POMGNT1: variants seen among roughly 807,000 people sequenced by gnomAD.
POMGNT1 encodes the protein protein O-linked mannose N-acetylglucosaminyltransferase 1 (beta 1,2-), also known as protein O-linked-mannose beta-1,2-N-acetylglucosaminyltransferase 1.
Under a neutral mutation model 95.6 loss-of-function variants are expected in POMGNT1, and 67 were observed. The observed-to-expected ratio is 0.70, with a 90% CI of 0.58 to 0.86. The LOEUF (loss-of-function observed/expected upper bound fraction) is 0.86, where lower values mean the gene tolerates loss of function less well. POMGNT1 is among the 40% of genes least tolerant of loss of function. The pLI is 0.00. For missense variants in POMGNT1, 719 were observed against 855.2 expected (o/e 0.84, Z 1.99); for synonymous variants, 298 against 317.9 (o/e 0.94, Z 0.66).
intron 17 of POMGNT1, 113 bp from the exon 18 acceptor site, chr1:46,190,897 A>C: frequency 9.9e-7 from 1 of 1,010,372 alleles, no homozygotes; most frequent in Non-Finnish European, 1.6e-6. Context: ...ACCTGTAAAG[A>C]GCCCTCTAAT....
chr1:46,192,888 G>A lies in POMGNT1; in HGVS notation c.1211+12C>T. On this transcript the variant is annotated intron_variant, in intron 14 of 21. Transcript: ENST00000371984. ...TGAGGGACCTCAACTGAAACCTAGA[G>A]ACTCCCCTCACCTGAAAAAATCCAC... 1.2e-6 allele frequency: 2 copies of A among 1,614,076 alleles called. No individual in the cohort carries two copies. Among genetic ancestry groups the A allele is most frequent in the Non-Finnish European group, 1.7e-6 (2 of 1,180,020 alleles).
upstream of POMGNT1, chr1:46,203,242 A>G (rs988434536): frequency 1.4e-5 from 6 of 421,172 alleles, no homozygotes; most frequent in African/African-American, 1.0e-4. Flanking sequence ...TGTGCGCAGC[A>G]CTCGAATACA....
chr1:46,204,520 G>A (rs1658652885), intron 1 of POMGNT1, among the ~76,000 whole-genome samples: 1 of 144,166 alleles, frequency 6.9e-6, no homozygotes. Context: ...CAGTGAGTAC[G>A]TCAGCTAAAG....
At chr1:46,192,819 C>T (rs1360587925) in intron 14 of POMGNT1, 81 bp downstream of exon 14, 1 of 1,599,700 alleles carries the variant, frequency 6.3e-7, no homozygotes, top group Non-Finnish European at 8.6e-7. Context: ...TCATGTCCTC[C>T]AGAAAGCTCT....
upstream of POMGNT1, among the ~76,000 whole-genome samples, chr1:46,201,555 C>T (rs1049800025): frequency 5.3e-5 from 8 of 151,446 alleles, no homozygotes; most frequent in East Asian, 5.8e-4. Context: ...AAAAATTAGT[C>T]GGGCATGGTG....
chr1:46,195,890 T>A lies in POMGNT1; in HGVS notation c.455A>T (p.Tyr152Phe), dbSNP rs1181342375. The change falls in exon 6 of 22, where the codon TAC (tyrosine) becomes TTC (phenylalanine). Residue 152 changes from tyrosine to phenylalanine, a missense_variant. By Grantham distance (22) the Tyr-to-Phe change is conservative. Coordinates refer to ENST00000371984, the MANE Select transcript of POMGNT1 (RefSeq NM_017739.4). ...CATGGCCTCATCCTCATGAGGTGAG[T>A]ACGTGTCAAACACACGTTTTGCCAT... The part of the protein sequence containing the change: ...HVMAKRVFDT[Y>F]SPHEDEAMVL... The A allele has an allele frequency of 6.2e-7, 1 of 1,613,622 alleles. No homozygotes were observed. The highest frequency in any genetic ancestry group is 1.1e-5 in the South Asian group (1 of 90,974).
intron 1 of POMGNT1, among the ~76,000 whole-genome samples, chr1:46,217,021 A>G (rs1659091088): frequency 6.6e-6 from 1 of 152,240 alleles, no homozygotes; most frequent in Non-Finnish European, 1.5e-5. Context: ...CAAAGCTTCA[A>G]TAAATTTACC....
intron 12 of POMGNT1, 41 bp from the exon 13 acceptor site, chr1:46,193,256 A>C: frequency 6.2e-6 from 10 of 1,614,094 alleles, no homozygotes; most frequent in Non-Finnish European, 8.5e-6. Flanking sequence ...GCTTTAGGGT[A>C]GAAGGCAGAG....
intron 1 of POMGNT1, among the ~76,000 whole-genome samples, chr1:46,213,602 T>C (rs2148248007): frequency 6.6e-6 from 1 of 152,150 alleles, no homozygotes; most frequent in East Asian, 1.9e-4. Context: ...CTTACGCCTG[T>C]AATCACAGCA....
chr1:46,207,532 C>G (rs1366731520), intron 1 of POMGNT1, among the ~76,000 whole-genome samples: 1 of 151,606 alleles, frequency 6.6e-6, no homozygotes, highest in African/African-American at 2.4e-5. Flanking sequence ...ACTTTTCTTT[C>G]TTTCTTTCTT....
chr1:46,193,334 T>C lies in POMGNT1; in HGVS notation c.1081A>G (p.Ile361Val). Residue 361 changes from isoleucine to valine, a missense_variant, in exon 12 of 22, where the codon ATC becomes GTC. Ile to Val is a conservative substitution (Grantham distance 29). This residue lies in a region of POMGNT1 where 466 missense variants were observed against 517.4 expected (regional missense o/e 0.90). Coordinates refer to ENST00000371984, the MANE Select transcript of POMGNT1 (RefSeq NM_017739.4). ...FGLRGIQHTP[I>V]SIKNARVSQH... Reference sequence around the variant, plus strand: ...GACACGCGGGCATTCTTGATGCTGATGGGAGTATGCTGGATGCCCCTCAGA... The same window carrying C: ...GACACGCGGGCATTCTTGATGCTGACGGGAGTATGCTGGATGCCCCTCAGA... The C allele has an allele frequency of 6.2e-7, 1 of 1,613,752 alleles. No homozygotes were observed. The highest frequency in any genetic ancestry group is 8.5e-7 in the Non-Finnish European group (1 of 1,179,864).
rs761518626 is a variant in POMGNT1, at chr1:46,192,858, C to A, written c.1211+42G>T. The A allele has an allele frequency of 1.3e-5, 21 of 1,612,206 alleles. No individual in the cohort carries two copies. In the South Asian group the frequency reaches 1.8e-4, roughly 13 times the overall value. On this transcript the variant is annotated intron_variant, in intron 14 of 21. Transcript: ENST00000371984. ...GGACACCTCACTGACTCTTTCCCTGCAGACTGAGGGACCTCAACTGAAACC... is the reference window on the plus strand; with the variant it reads ...GGACACCTCACTGACTCTTTCCCTGAAGACTGAGGGACCTCAACTGAAACC...
chr1:46,197,839 C>A lies in POMGNT1; in HGVS notation c.-18G>T, dbSNP rs1384318901. ...TCGTCCATACCGGATTGGCGGGTCA[C>A]CAATGTCCTGGCCAGCCCATGACTT... is the stretch of plus-strand genomic sequence containing the variant. On this transcript the variant is annotated 5_prime_UTR_variant, in exon 2 of 22. Coordinates refer to ENST00000371984, the MANE Select transcript of POMGNT1 (RefSeq NM_017739.4). The A allele has an allele frequency of 1.2e-6, 2 of 1,613,570 alleles. No individual in the cohort carries two copies. Among genetic ancestry groups the A allele is most frequent in the South Asian group, 2.2e-5 (2 of 91,054 alleles).
In POMGNT1 at chr1:46,188,868, G is replaced by T; in HGVS notation, c.*402C>A. 1 of 1,612,898 alleles carries T rather than the reference G, an allele frequency of 6.2e-7. No homozygotes were observed. Among genetic ancestry groups the T allele is most frequent in the Admixed American group, 1.7e-5 (1 of 60,032 alleles). ...ACAGCAGTTTCCTGAGTAAGAGCCA[G>T]CCCCACCCTCAGGGCAGCATTCCAG... is the stretch of plus-strand genomic sequence containing the variant. On this transcript the variant is annotated 3_prime_UTR_variant, in exon 22 of 22. Coordinates refer to ENST00000371984, the MANE Select transcript of POMGNT1 (RefSeq NM_017739.4).
chr1:46,207,334 C>T (rs1658747581), intron 1 of POMGNT1, among the ~76,000 whole-genome samples: 1 of 152,086 alleles, frequency 6.6e-6, no homozygotes, highest in Non-Finnish European at 1.5e-5. Flanking sequence ...TCTGCCTCAG[C>T]CTCCCAAAGT....
At chr1:46,202,920 G>T (rs373359082), upstream of POMGNT1, among the ~76,000 whole-genome samples, 2 of 64,516 alleles carry the variant, frequency 3.1e-5, 1 homozygote, top group African/African-American at 1.3e-4. Flanking sequence ...GGGGGGGGGT[G>T]GTGTGTGTGT....
exon 1 of POMGNT1, chr1:46,220,232 C>A: frequency 6.3e-7 from 1 of 1,587,616 alleles, no homozygotes; most frequent in South Asian, 1.1e-5. Flanking sequence ...AACTATTCCA[C>A]CCTTTTGTAA....
rs200540049 is a variant in POMGNT1, at chr1:46,189,236, C to G, written c.*34G>C. The G allele has an allele frequency of 4.4e-6, 7 of 1,600,544 alleles. No homozygotes were observed. The highest frequency in any genetic ancestry group is 6.0e-6 in the Non-Finnish European group (7 of 1,174,644). On this transcript the variant is annotated 3_prime_UTR_variant, in exon 22 of 22. Transcript: ENST00000371984. ...AAGGGCTAGCCAGCCTGGGGGTACACAGTACCCAGCCCCGCAGGGTCCTGG... is the reference window on the plus strand; with the variant it reads ...AAGGGCTAGCCAGCCTGGGGGTACAGAGTACCCAGCCCCGCAGGGTCCTGG...
At chr1:46,201,676 C>T (rs1458570458), upstream of POMGNT1, among the ~76,000 whole-genome samples, 8 of 131,480 alleles carry the variant, frequency 6.1e-5, no homozygotes, top group Admixed American at 1.8e-4. Context: ...CCAGCCTGGG[C>T]GACAGAGTGA....
Sources: gnomAD v4.1 joint callset for allele counts (sites outside exome capture counted in the v4.1 genomes callset) on GRCh38, gnomAD v4.1.1 for gene constraint, gnomAD v4.1.1 regional missense constraint, MANE v1.5 for transcripts, NCBI Gene and HGNC (gene_info 2026-07-23, HGNC 2026-07-21) for gene names.